The following SYNPR variants were observed in gnomAD, a reference collection of about 807,000 sequenced individuals.
The protein encoded by SYNPR is synaptoporin.
In SYNPR, 23 loss-of-function variants were observed where a neutral mutation model predicts 32.9. That is an observed-to-expected ratio of 0.70 (90% CI 0.50 to 0.99). SYNPR has a LOEUF of 0.99. SYNPR is among the 50% of genes least tolerant of loss of function. The pLI, the probability that SYNPR is intolerant of heterozygous loss-of-function variation, is 0.00. For missense variants in SYNPR, 318 were observed against 349.3 expected, an observed-to-expected ratio of 0.91 and a Z score of 0.71; for synonymous variants, 146 against 135.9, an observed-to-expected ratio of 1.07 and a Z score of -0.52.
intron 3 of SYNPR, among the ~76,000 whole-genome samples, chr3:63,544,006 G>A (rs1473213665): frequency 1.3e-5 from 2 of 152,032 alleles, no homozygotes; most frequent in Non-Finnish European, 2.9e-5. Context: ...TCCAGGTGAC[G>A]TCCATCTTTG....
At position 63,302,804 on chromosome 3, in the gene SYNPR, T is replaced by C. The variant is rs190866801; in HGVS notation, c.84+24062T>C. Among the ~76,000 whole-genome samples, 11 of 152,094 alleles carry C rather than the reference T, an allele frequency of 7.2e-5. No individual in the cohort carries two copies. In the East Asian group the frequency reaches 2.1e-3, roughly 30 times the overall value. ...AAAATTGATTAATTATACAAATATA[T>C]GGTTTGATAGAAGAAATAAGACCTA... is the stretch of plus-strand genomic sequence containing the variant. On this transcript the variant is annotated intron_variant, in intron 2 of 5. Coordinates refer to ENST00000478300, the MANE Select transcript of SYNPR (RefSeq NM_001130003.2).
At chr3:63,459,782 A>G (rs1007721058) in intron 2 of SYNPR, among the ~76,000 whole-genome samples, 3 of 152,048 alleles carry the variant, frequency 2.0e-5, no homozygotes, top group Admixed American at 2.0e-4. Flanking sequence ...ACTGATTCAC[A>G]TTCTTTACAC....
the SYNPR span, among the ~76,000 whole-genome samples, chr3:63,202,878 A>T: frequency 6.6e-6 from 1 of 151,920 alleles, no homozygotes; most frequent in Admixed American, 6.6e-5. Flanking sequence ...GACTTCTCAG[A>T]ACTTGGGTTT....
chr3:63,220,100 G>C, the SYNPR span, among the ~76,000 whole-genome samples: 1 of 152,122 alleles, frequency 6.6e-6, no homozygotes, highest in African/African-American at 2.4e-5. Flanking sequence ...TCAGTGCCTG[G>C]CACAGAGCAA....
At chr3:63,349,998 T>C (rs1235238550) in intron 2 of SYNPR, among the ~76,000 whole-genome samples, 3 of 152,320 alleles carry the variant, frequency 2.0e-5, no homozygotes, top group South Asian at 2.1e-4. Context: ...TATCCTGGCA[T>C]TGTATTTCTA....
chr3:63,268,872 T>A (rs144312675), intron 3 of SYNPR, among the ~76,000 whole-genome samples: 1 of 152,230 alleles, frequency 6.6e-6, no homozygotes, highest in African/African-American at 2.4e-5. Flanking sequence ...AATTTTCCAA[T>A]TGTACTATCT....
chr3:63,577,606 C>A (rs6809477), intron 4 of SYNPR, among the ~76,000 whole-genome samples: 82,717 of 151,822 alleles, frequency 0.54, 23,263 homozygotes, highest in African/African-American at 0.69. Context: ...GGGAAGAGGT[C>A]GTGTGTAGGT....
chr3:63,510,655 T>A (rs1701678965), intron 3 of SYNPR, among the ~76,000 whole-genome samples: 1 of 152,166 alleles, frequency 6.6e-6, no homozygotes, highest in South Asian at 2.1e-4. Flanking sequence ...CCTGGTGAGT[T>A]TAACATATTA....
intron 2 of SYNPR, among the ~76,000 whole-genome samples, chr3:63,473,847 T>C (rs899721796): frequency 6.6e-6 from 1 of 152,126 alleles, no homozygotes; most frequent in Admixed American, 6.5e-5. Context: ...GAAGCTGAGA[T>C]CAGGTGGTTA....
chr3:63,389,490 G>A lies in SYNPR; in HGVS notation c.85-91342G>A, dbSNP rs536859839. Among the ~76,000 whole-genome samples, 74 of 152,318 alleles carry A rather than the reference G, an allele frequency of 4.9e-4. 1 individual carries two copies. The highest frequency in any genetic ancestry group is 1.6e-3 in the African/African-American group (66 of 41,568). On this transcript the variant is annotated intron_variant, in intron 2 of 5. Coordinates refer to ENST00000478300, the MANE Select transcript of SYNPR (RefSeq NM_001130003.2). ...TACCAGTAATTCCAGCCAGCTCTGT[G>A]AGACTGATACTCTTTGGTTTTTATT... is the stretch of plus-strand genomic sequence containing the variant.
intron 2 of SYNPR, among the ~76,000 whole-genome samples, chr3:63,388,091 G>C (rs2088079617): frequency 6.6e-6 from 1 of 152,088 alleles, no homozygotes. Flanking sequence ...TTCCAGCTGG[G>C]GCGAGGGGCC....
intron 2 of SYNPR, among the ~76,000 whole-genome samples, chr3:63,317,199 T>G (rs943661805): frequency 5.3e-5 from 8 of 152,078 alleles, no homozygotes; most frequent in Admixed American, 6.6e-5. Flanking sequence ...GAATAGAATG[T>G]GTATTCTGCA....
chr3:63,540,563 A>G (rs1402747132), intron 3 of SYNPR, among the ~76,000 whole-genome samples: 1 of 152,040 alleles, frequency 6.6e-6, no homozygotes, highest in Admixed American at 6.6e-5. Context: ...CATGTTAAGG[A>G]AGGAAAAAGA....
At chr3:63,478,962 G>T (rs575259519) in intron 2 of SYNPR, among the ~76,000 whole-genome samples, 3 of 152,174 alleles carry the variant, frequency 2.0e-5, no homozygotes, top group Admixed American at 1.3e-4. Flanking sequence ...AATACTAATT[G>T]CTTACAGGAA....
chr3:63,420,037 A>C lies in SYNPR; in HGVS notation c.85-60795A>C, dbSNP rs144754640. On this transcript the variant is annotated intron_variant, in intron 2 of 5. Transcript: ENST00000478300. ...AGGGAGTGCAAGATCTTTATAGGAAACATATGTAAAATGTTATTTATGCAT... is the reference window on the plus strand; with the variant it reads ...AGGGAGTGCAAGATCTTTATAGGAACCATATGTAAAATGTTATTTATGCAT... Among the ~76,000 whole-genome samples the C allele has an allele frequency of 9.2e-5, 14 of 152,338 alleles. No individual in the cohort carries two copies. In the East Asian group the frequency reaches 2.7e-3, roughly 29 times the overall value.
intron 2 of SYNPR, among the ~76,000 whole-genome samples, chr3:63,349,014 A>T (rs942539534): frequency 2.6e-5 from 4 of 152,214 alleles, no homozygotes; most frequent in Non-Finnish European, 5.9e-5. Flanking sequence ...GTTCCATATG[A>T]ATAGATCTGT....
chr3:63,449,061 T>G (rs1189051845), intron 2 of SYNPR, among the ~76,000 whole-genome samples: 1 of 152,150 alleles, frequency 6.6e-6, no homozygotes, highest in Non-Finnish European at 1.5e-5. Context: ...CGAGGCATTC[T>G]CAGATTTGAT....
intron 2 of SYNPR, among the ~76,000 whole-genome samples, chr3:63,448,636 T>C: frequency 6.6e-6 from 1 of 152,120 alleles, no homozygotes; most frequent in Non-Finnish European, 1.5e-5. Context: ...TGGGGGAAGA[T>C]TTTAGAAAAA....
chr3:63,255,126 C>T (rs1229742485), intron 2 of SYNPR, among the ~76,000 whole-genome samples: 8 of 152,274 alleles, frequency 5.3e-5, no homozygotes, highest in East Asian at 1.9e-4. Context: ...CTTCCCCTGT[C>T]GTGACAAACA....
Sources: allele counts gnomAD v4.1 joint callset (sites outside exome capture counted in the v4.1 genomes callset), GRCh38; gene constraint gnomAD v4.1.1; transcripts MANE v1.5; gene names NCBI Gene and HGNC (gene_info 2026-07-23, HGNC 2026-07-21).